VLDLR: variants seen among roughly 807,000 people sequenced by gnomAD.
VLDLR encodes very low-density lipoprotein receptor.
In VLDLR, 81 loss-of-function variants were observed where a neutral mutation model predicts 112.7. The ratio of observed to expected loss-of-function variants is 0.72; its 90% CI spans 0.60 to 0.86. VLDLR has a LOEUF of 0.86. VLDLR is among the 40% of genes least tolerant of loss of function. The pLI, the probability that VLDLR is intolerant of heterozygous loss-of-function variation, is 0.00. For synonymous variants in VLDLR, 436 were observed against 384.8 expected (o/e 1.13, Z -1.56); for missense variants, 1,237 against 1,099.4 (o/e 1.13, Z -1.77).
chr9:2,646,301 C>T lies in VLDLR; in HGVS notation c.1485-33C>T, dbSNP rs773590400. On this transcript the variant is annotated intron_variant, in intron 10 of 18. Transcript: ENST00000382100. The stretch of plus-strand genomic sequence containing the variant: ...TTCTCCAAGCTCTAATTGTGTCAAA[C>T]TCTTAAATTTCTTGTGACCTATTCT... The T allele has an allele frequency of 3.1e-6, 5 of 1,608,084 alleles. No homozygotes were observed. The Admixed American group carries it at 6.7e-5, about 21-fold the overall frequency.
At chr9:2,624,773 A>C (rs752837021) in intron 1 of VLDLR, among the ~76,000 whole-genome samples, 4 of 152,350 alleles carry the variant, frequency 2.6e-5, no homozygotes, top group Non-Finnish European at 5.9e-5. Flanking sequence ...TATGACGATG[A>C]TAGTACCCCT....
chr9:2,647,229 C>T (rs1417336015), intron 11 of VLDLR, among the ~76,000 whole-genome samples: 1 of 152,126 alleles, frequency 6.6e-6, no homozygotes, highest in African/African-American at 2.4e-5. Context: ...GAAACATAAC[C>T]TTGTGACTTT....
rs1004491467 is a variant in VLDLR, at chr9:2,648,421, C to T, written c.1962+74C>T. ...CTTTGAGAAGAAATAACAGACATAG[C>T]GGGAGGAGGGAAGAGCAGCTGAACA... On this transcript the variant is annotated intron_variant, in intron 13 of 18. Transcript: ENST00000382100. The T allele has an allele frequency of 3.5e-5, 56 of 1,603,006 alleles. No individual in the cohort carries two copies. The East Asian group carries it at 9.1e-4, about 26-fold the overall frequency.
At chr9:2,647,795 C>T (rs765911472) in intron 12 of VLDLR, 1 of 649,620 alleles carries the variant, frequency 1.5e-6, no homozygotes. Flanking sequence ...GGCCTGTTGT[C>T]CAGCTGGGCC....
chr9:2,645,856 G>T, intron 10 of VLDLR, 111 bp downstream of exon 10: 1 of 1,232,070 alleles, frequency 8.1e-7, no homozygotes, highest in South Asian at 1.2e-5. Flanking sequence ...ATCTAGCATC[G>T]AATTACCTGG....
intron 1 of VLDLR, among the ~76,000 whole-genome samples, chr9:2,628,777 T>C (rs1354841757): frequency 6.6e-6 from 1 of 152,108 alleles, no homozygotes; most frequent in Admixed American, 6.5e-5. Flanking sequence ...GAGGGAAGGA[T>C]GGATTTTAGA....
chr9:2,651,561 G>A, intron 16 of VLDLR, 63 bp downstream of exon 16: 1 of 1,420,534 alleles, frequency 7.0e-7, no homozygotes, highest in Non-Finnish European at 9.9e-7. Flanking sequence ...TGTATCTACA[G>A]CTTAAATAAT....
intron 10 of VLDLR, 127 bp downstream of exon 10, chr9:2,645,872 T>G: frequency 9.9e-7 from 1 of 1,005,316 alleles, no homozygotes; most frequent in Non-Finnish European, 1.5e-6. Context: ...CCTGGGGACA[T>G]TAAATCTAAT....
At chr9:2,641,881 A>C (rs894589367) in intron 4 of VLDLR, among the ~76,000 whole-genome samples, 1 of 152,060 alleles carries the variant, frequency 6.6e-6, no homozygotes, top group Admixed American at 6.5e-5. Context: ...CATAGGTCTA[A>C]ATTTGATTGG....
chr9:2,635,515 T>C lies in VLDLR; in HGVS notation c.145T>C (p.Leu49=). 1.2e-6 allele frequency: 2 copies of C among 1,614,130 alleles called. No individual in the cohort carries two copies. The highest frequency in any genetic ancestry group is 1.7e-6 in the Non-Finnish European group (2 of 1,179,998). Residue 49 remains leucine (L), a synonymous_variant, in exon 2 of 19, where the codon TTG becomes CTG. Coordinates refer to ENST00000382100, the MANE Select transcript of VLDLR (RefSeq NM_003383.5). ...QCTNGRCITL[L]WKCDGDEDCV... is the part of the protein sequence containing the mutation. ...CACAAATGGTCGCTGTATTACGCTGTTGTGGAAATGTGATGGGGATGAAGA... is the reference window on the plus strand; with the variant it reads ...CACAAATGGTCGCTGTATTACGCTGCTGTGGAAATGTGATGGGGATGAAGA...
chr9:2,622,963 C>T (rs1211662680), intron 1 of VLDLR, among the ~76,000 whole-genome samples: 1 of 152,194 alleles, frequency 6.6e-6, no homozygotes, highest in Non-Finnish European at 1.5e-5. Flanking sequence ...TTCCCCGCCT[C>T]GGGCGGCGTT....
rs190007223 is a variant in VLDLR at position 2,649,548 on chromosome 9, C to G, written c.2104+738C>G. On this transcript the variant is annotated intron_variant, in intron 14 of 18. Coordinates refer to ENST00000382100, the MANE Select transcript of VLDLR (RefSeq NM_003383.5). ...CTGGGACTACAGGAGTGAGCCACCACGTCCAGCTAAACTTTGTATCTTTAG... is the reference window on the plus strand; with the variant it reads ...CTGGGACTACAGGAGTGAGCCACCAGGTCCAGCTAAACTTTGTATCTTTAG... Among the ~76,000 whole-genome samples the G allele has an allele frequency of 3.9e-5, 6 of 152,242 alleles. No individual in the cohort carries two copies. In the East Asian group the frequency reaches 1.2e-3, roughly 29 times the overall value.
At position 2,650,288 on chromosome 9, in the gene VLDLR, A is replaced by T; in HGVS notation, c.2105-82A>T. 13 of 1,578,052 alleles carry T rather than the reference A, an allele frequency of 8.2e-6. No individual in the cohort carries two copies. The South Asian group carries it at 1.4e-4, about 16-fold the overall frequency. ...TTTAAGCTCTTGGGGGCAAGGACTC[A>T]GGTCTTCAACATGTAGAACAAGGCT... On this transcript the variant is annotated intron_variant, in intron 14 of 18. Coordinates refer to ENST00000382100, the MANE Select transcript of VLDLR (RefSeq NM_003383.5).
At position 2,650,401 on chromosome 9, in the gene VLDLR, T is replaced by C. The variant is rs1285668826; in HGVS notation, c.2136T>C (p.Asn712=). The C allele has an allele frequency of 6.2e-7, 1 of 1,614,158 alleles. No individual in the cohort carries two copies. The highest frequency in any genetic ancestry group is 8.5e-7 in the Non-Finnish European group (1 of 1,180,016). ...GKNWCEEDME[N]GGCEYLCLPA... is the part of the protein sequence containing the mutation. ...ATTGGTGTGAAGAAGACATGGAGAA[T>C]GGAGGATGTGAATACCTATGCCTGC... The change falls in exon 15 of 19, where the codon AAT becomes AAC. Residue 712 remains asparagine, a synonymous_variant. Transcript: ENST00000382100.
chr9:2,630,520 C>T (rs552331699), intron 1 of VLDLR, among the ~76,000 whole-genome samples: 3 of 152,188 alleles, frequency 2.0e-5, no homozygotes, highest in Non-Finnish European at 4.4e-5. Context: ...GCCTGGTACC[C>T]AGAGACACTT....
At position 2,657,667 on chromosome 9, in the gene VLDLR, C is replaced by T. The variant is rs11793901; in HGVS notation, c.*3799C>T. On this transcript the variant is annotated 3_prime_UTR_variant, in exon 19 of 19. Coordinates refer to ENST00000382100, the MANE Select transcript of VLDLR (RefSeq NM_003383.5). ...GTCAGTGCTAACTGCTGCTGCTGCC[C>T]GTTCTGTTGGCGGCTGCTGGCCAAG... is the stretch of plus-strand genomic sequence containing the variant. 0.12 allele frequency: 18,946 copies of T among 152,194 alleles called. 1,622 individuals are homozygous for T. Among genetic ancestry groups the T allele is most frequent in the Non-Finnish European group, 0.18 (12,403 of 68,026 alleles). The allele number at this position is 152,194 out of a possible 1,614,324, so 9.4% of individuals were successfully genotyped here. A position where few individuals can be genotyped will look rare whatever the true frequency, so the allele number is the denominator to read the frequency against.
intron 7 of VLDLR, 99 bp downstream of exon 7, chr9:2,644,058 T>C: frequency 1.3e-6 from 2 of 1,565,922 alleles, no homozygotes; most frequent in Admixed American, 1.7e-5. Flanking sequence ...GTTAAACTTT[T>C]GAATGTACTG....
Position 2,657,254 on chromosome 9 carries a change from C to T in VLDLR, c.*3386C>T, listed in dbSNP as rs1178614090. 1 of 152,114 alleles carries T rather than the reference C, an allele frequency of 6.6e-6. No homozygotes were observed. Among genetic ancestry groups the T allele is most frequent in the East Asian group, 1.9e-4 (1 of 5,192 alleles). 9.4% of individuals were successfully genotyped at this position (152,114 alleles called of 1,614,324 possible). A position where few individuals can be genotyped will look rare whatever the true frequency, so the allele number is the denominator to read the frequency against. Reference sequence around the variant, plus strand: ...CTAGTGAAATCTTACCCAAGTAAAACAATTTATTATTTTGAATCCAAATGA... The same window carrying T: ...CTAGTGAAATCTTACCCAAGTAAAATAATTTATTATTTTGAATCCAAATGA... On this transcript the variant is annotated 3_prime_UTR_variant, in exon 19 of 19. Coordinates refer to ENST00000382100, the MANE Select transcript of VLDLR (RefSeq NM_003383.5).
chr9:2,643,642 C>T lies in VLDLR; in HGVS notation c.835C>T (p.Arg279Ter), dbSNP rs1428899305. The part of the protein sequence containing the change: ...DEVNCPSRTC[R>*]PDQFECEDGS... ...TCCCTTTGTAGCCTCTCGAACTTGC[C>T]GACCTGACCAATTTGAATGTGAGGA... Residue 279 changes from arginine (R) to a stop codon, truncating the protein, a stop_gained, in exon 6 of 19, where the codon CGA (arginine) becomes TGA (stop). Transcript: ENST00000382100. LOFTEE classifies it high-confidence loss of function. 7 of 1,614,150 alleles carry T rather than the reference C, an allele frequency of 4.3e-6. No homozygotes were observed. Among genetic ancestry groups the T allele is most frequent in the Admixed American group, 1.7e-5 (1 of 60,018 alleles).
Sources: gnomAD v4.1 joint callset for allele counts (sites outside exome capture counted in the v4.1 genomes callset) on GRCh38, gnomAD v4.1.1 for gene constraint, MANE v1.5 for transcripts, NCBI Gene and HGNC (gene_info 2026-07-23, HGNC 2026-07-21) for gene names.